ADAMTSL3: variants seen among roughly 807,000 people sequenced by gnomAD.
ADAMTSL3 encodes ADAMTS like 3, also known as ADAMTS-like protein 3.
ADAMTSL3 carries 128 observed loss-of-function variants against 201.7 expected under a neutral mutation model. The observed-to-expected ratio is 0.63, with a 90% CI of 0.55 to 0.73. The LOEUF (loss-of-function observed/expected upper bound fraction) is 0.73. Among genes scored for constraint, ADAMTSL3 ranks in the 30% least tolerant of loss-of-function variants. The pLI is 0.00. For missense variants in ADAMTSL3, 1,990 were observed against 2,119.6 expected (o/e 0.94, Z 1.20); for synonymous variants, 738 against 748.4 (o/e 0.99, Z 0.23).
intron 6 of ADAMTSL3, among the ~76,000 whole-genome samples, chr15:83,823,293 A>G (rs1212236693): frequency 6.6e-6 from 1 of 152,062 alleles, no homozygotes; most frequent in African/African-American, 2.4e-5. Flanking sequence ...CACCTACCCT[A>G]TTCTGCTCAT....
chr15:83,693,501 G>T (rs1390818686), intron 2 of ADAMTSL3, among the ~76,000 whole-genome samples: 1 of 152,178 alleles, frequency 6.6e-6, no homozygotes, highest in Non-Finnish European at 1.5e-5. Context: ...GCAGGTCCCA[G>T]CCAGGTTCCT....
chr15:83,857,088 A>C (rs1440061911), intron 7 of ADAMTSL3, among the ~76,000 whole-genome samples: 3 of 152,018 alleles, frequency 2.0e-5, no homozygotes, highest in Non-Finnish European at 4.4e-5. Flanking sequence ...GATACTGAGC[A>C]TTTTCATGTG....
chr15:83,945,053 C>A (rs1437142318), intron 19 of ADAMTSL3, among the ~76,000 whole-genome samples: 1 of 152,102 alleles, frequency 6.6e-6, no homozygotes, highest in Non-Finnish European at 1.5e-5. Flanking sequence ...GGTCATTATC[C>A]TCAATCAAGG....
intron 8 of ADAMTSL3, 94 bp from the exon 9 acceptor site, chr15:83,870,708 A>G (rs2065063918): frequency 9.8e-7 from 1 of 1,024,978 alleles, no homozygotes; most frequent in Middle Eastern, 2.9e-4. Flanking sequence ...CATTGTTTTG[A>G]TATCATATAC....
At chr15:83,838,430 A>G (rs1371339018) in intron 7 of ADAMTSL3, among the ~76,000 whole-genome samples, 1 of 152,204 alleles carries the variant, frequency 6.6e-6, no homozygotes, top group African/African-American at 2.4e-5. Flanking sequence ...ACCTTTGCCA[A>G]TGCAGGGTAT....
chr15:83,991,906 T>TA (rs2067588975), intron 23 of ADAMTSL3, among the ~76,000 whole-genome samples: 1 of 152,244 alleles, frequency 6.6e-6, no homozygotes, highest in South Asian at 2.1e-4. Context: ...ATAAATATTA[T>TA]ATGCTGCATA....
At chr15:83,920,662 C>T (rs1215640521) in intron 16 of ADAMTSL3, among the ~76,000 whole-genome samples, 3 of 152,124 alleles carry the variant, frequency 2.0e-5, no homozygotes, top group East Asian at 1.9e-4. Context: ...CAAAGAACAT[C>T]GTTATATATA....
At chr15:84,006,019 A>G (rs1160296747) in intron 23 of ADAMTSL3, among the ~76,000 whole-genome samples, 3 of 152,238 alleles carry the variant, frequency 2.0e-5, no homozygotes, top group African/African-American at 7.2e-5. Context: ...TTTTTCAAAA[A>G]GAACAAAAGG....
chr15:84,006,731 A>T (rs1596528391), intron 23 of ADAMTSL3, among the ~76,000 whole-genome samples: 1 of 152,240 alleles, frequency 6.6e-6, no homozygotes, highest in Non-Finnish European at 1.5e-5. Context: ...AACAGAGCAA[A>T]TGTGTTATTT....
intron 4 of ADAMTSL3, among the ~76,000 whole-genome samples, chr15:83,787,018 C>T (rs796688720): frequency 1.1e-4 from 16 of 152,246 alleles, no homozygotes; most frequent in East Asian, 1.9e-4. Context: ...TGCTCACTAT[C>T]GCCTTGCATC....
chr15:83,789,864 A>G (rs929575671), intron 4 of ADAMTSL3, among the ~76,000 whole-genome samples: 17 of 152,080 alleles, frequency 1.1e-4, no homozygotes, highest in African/African-American at 4.1e-4. Flanking sequence ...ACTTTCAATC[A>G]GTCATACTGT....
chr15:83,822,603 C>G (rs1399637290), intron 6 of ADAMTSL3, among the ~76,000 whole-genome samples: 2 of 150,592 alleles, frequency 1.3e-5, no homozygotes, highest in South Asian at 4.2e-4. Context: ...GATGGGCGGC[C>G]GGGCAGAGAC....
Position 83,991,329 on chromosome 15 carries a change from G to C in ADAMTSL3, c.3973+115G>C, listed in dbSNP as rs73443174. Reference sequence around the variant, plus strand: ...GGTATTCGAGACCTCAGCCTGATAGGCTTAAAAAAAAGATTTTCCAGCACA... The same window carrying C: ...GGTATTCGAGACCTCAGCCTGATAGCCTTAAAAAAAAGATTTTCCAGCACA... On this transcript the variant is annotated intron_variant, in intron 23 of 29. Transcript: ENST00000286744. 2.7e-3 allele frequency: 3,955 copies of C among 1,479,762 alleles called. 98 individuals carry two copies. In the African/African-American group the frequency reaches 0.048, roughly 18 times the overall value. The allele number at this position is 1,479,762 out of a possible 1,614,324, so 91.7% of individuals were successfully genotyped here. A position where few individuals can be genotyped will look rare whatever the true frequency, so the allele number is the denominator to read the frequency against.
chr15:83,967,366 G>A (rs561091282), intron 19 of ADAMTSL3, among the ~76,000 whole-genome samples: 38 of 152,280 alleles, frequency 2.5e-4, no homozygotes, highest in African/African-American at 8.2e-4. Context: ...AAAATCACAA[G>A]CATTCCTATA....
At chr15:83,866,568 A>C (rs1008704757) in intron 8 of ADAMTSL3, among the ~76,000 whole-genome samples, 3 of 151,122 alleles carry the variant, frequency 2.0e-5, no homozygotes, top group Non-Finnish European at 4.4e-5. Context: ...ATGAGAACAC[A>C]TGGACACAGG....
At chr15:83,725,184 G>A (rs966934720) in intron 3 of ADAMTSL3, among the ~76,000 whole-genome samples, 2 of 152,142 alleles carry the variant, frequency 1.3e-5, no homozygotes, top group Non-Finnish European at 2.9e-5. Flanking sequence ...GTGTATGAGG[G>A]TTCCTCTTTC....
At chr15:83,872,682 C>CTTTCTCAGGAAATGCCTGTGAGAAAA (rs1555455106) in intron 9 of ADAMTSL3, among the ~76,000 whole-genome samples, 3 of 145,384 alleles carry the variant, frequency 2.1e-5, no homozygotes, top group Admixed American at 6.8e-5. Flanking sequence ...CTTCTCAAGT[C>CTTTCTCAGGAAATGCCTGTGAGAAAA]AACTTGGAGG....
At chr15:83,667,137 G>T in intron 2 of ADAMTSL3, among the ~76,000 whole-genome samples, 1 of 151,828 alleles carries the variant, frequency 6.6e-6, no homozygotes, top group African/African-American at 2.4e-5. Context: ...AAAATATATG[G>T]ATATCTATAT....
intron 8 of ADAMTSL3, among the ~76,000 whole-genome samples, chr15:83,869,575 G>A (rs1462643549): frequency 6.6e-6 from 1 of 152,124 alleles, no homozygotes; most frequent in East Asian, 1.9e-4. Flanking sequence ...GTCTGTCCAG[G>A]GCACTTGAAT....
Sources: gnomAD v4.1 joint callset for allele counts (sites outside exome capture counted in the v4.1 genomes callset) on GRCh38, gnomAD v4.1.1 for gene constraint, MANE v1.5 for transcripts, NCBI Gene and HGNC (gene_info 2026-07-23, HGNC 2026-07-21) for gene names.